Variants in SYCP2 observed in about 807,000 individuals in gnomAD.
SYCP2 encodes synaptonemal complex lateral element protein.
SYCP2 carries 55 observed loss-of-function variants against 211.3 expected under a neutral mutation model. That is an observed-to-expected ratio of 0.26 (90% CI 0.21 to 0.33). SYCP2 has a LOEUF of 0.33. Ranked by LOEUF, SYCP2 falls within the 10% of genes least tolerant of loss-of-function variation. The pLI, the probability that SYCP2 is intolerant of heterozygous loss-of-function variation, is 1.00. For missense variants in SYCP2, 1,731 were observed against 1,752.0 expected (o/e 0.99, Z 0.21); for synonymous variants, 570 against 555.2 (o/e 1.03, Z -0.37).
chr20:59,879,878 C>A (rs1184055498), intron 31 of SYCP2, among the ~76,000 whole-genome samples: 1 of 140,988 alleles, frequency 7.1e-6, no homozygotes. Flanking sequence ...CACACACACA[C>A]AAACATATAA....
chr20:59,932,910 T>C (rs1387486963), intron 1 of SYCP2, among the ~76,000 whole-genome samples: 1 of 152,028 alleles, frequency 6.6e-6, no homozygotes, highest in Non-Finnish European at 1.5e-5. Context: ...AGGAAGGTTT[T>C]GCGCGCACTC....
intron 14 of SYCP2, among the ~76,000 whole-genome samples, chr20:59,908,373 TA>T (rs2060251345): frequency 6.6e-6 from 1 of 152,160 alleles, no homozygotes; most frequent in Non-Finnish European, 1.5e-5. Context: ...CCTTCTCTCC[TA>T]TACCTTAATT....
chr20:59,876,295 C>T (rs1483636318), intron 33 of SYCP2, among the ~76,000 whole-genome samples: 5 of 133,790 alleles, frequency 3.7e-5, no homozygotes, highest in Non-Finnish European at 7.7e-5. Context: ...CGTTTGAACA[C>T]TGGAGGCGGA....
intron 4 of SYCP2, among the ~76,000 whole-genome samples, chr20:59,921,056 T>C (rs893710557): frequency 1.3e-5 from 2 of 151,666 alleles, no homozygotes; most frequent in African/African-American, 4.8e-5. Context: ...TTCCCCAGTT[T>C]CAGCCACAGT....
chr20:59,901,248 A>G (rs1291569470), intron 16 of SYCP2, among the ~76,000 whole-genome samples: 2 of 152,086 alleles, frequency 1.3e-5, no homozygotes, highest in Admixed American at 6.6e-5. Context: ...TCCCATATCC[A>G]TAACAATGCT....
intron 14 of SYCP2, among the ~76,000 whole-genome samples, chr20:59,908,975 C>T (rs1476471905): frequency 6.6e-6 from 1 of 152,216 alleles, no homozygotes; most frequent in African/African-American, 2.4e-5. Context: ...AAACTCTTCA[C>T]CATGTAAGTG....
intron 2 of SYCP2, among the ~76,000 whole-genome samples, chr20:59,925,805 A>AC: frequency 6.6e-6 from 1 of 152,136 alleles, no homozygotes; most frequent in East Asian, 1.9e-4. Flanking sequence ...TAGGTACTAT[A>AC]ATTTATTATC....
chr20:59,865,729 T>C (rs2059318936), intron 42 of SYCP2, 78 bp from the exon 43 acceptor site: 2 of 1,083,052 alleles, frequency 1.8e-6, no homozygotes, highest in Non-Finnish European at 2.5e-6. Context: ...TATATATAAT[T>C]TTAATTTTTC....
chr20:59,914,482 A>C (rs1315269184), intron 10 of SYCP2, among the ~76,000 whole-genome samples: 1 of 152,012 alleles, frequency 6.6e-6, no homozygotes, highest in East Asian at 1.9e-4. Flanking sequence ...AATTTAAAAA[A>C]ATGTTGAGAC....
rs2059778567 is a variant in SYCP2, at chr20:59,885,910, T to C, written c.2529+18A>G. The C allele has an allele frequency of 6.3e-7, 1 of 1,584,942 alleles. No homozygotes were observed. The highest frequency in any genetic ancestry group is 1.4e-5 in the African/African-American group (1 of 73,828). On this transcript the variant is annotated intron_variant, in intron 26 of 44. Transcript: ENST00000357552. ...AGTTTGACTATAGATTTGGTGAAGT[T>C]AAGTAAATAACACCTACCTTACTGA...
At chr20:59,909,115 G>T (rs927119941) in intron 14 of SYCP2, among the ~76,000 whole-genome samples, 55 of 151,846 alleles carry the variant, frequency 3.6e-4, no homozygotes, top group African/African-American at 1.2e-3. Flanking sequence ...CTTTTAATTT[G>T]TTCCCTTTTG....
intron 12 of SYCP2, among the ~76,000 whole-genome samples, chr20:59,913,051 A>T (rs2060361963): frequency 6.6e-6 from 1 of 152,206 alleles, no homozygotes; most frequent in Non-Finnish European, 1.5e-5. Flanking sequence ...AGACTAATAC[A>T]GTGTGCTATC....
chr20:59,893,700 A>G (rs532365319), intron 20 of SYCP2, 107 bp from the exon 21 acceptor site: 1 of 682,056 alleles, frequency 1.5e-6, no homozygotes, highest in African/African-American at 1.9e-5. Context: ...CCTTGATATG[A>G]AAAGTTGGAT....
chr20:59,915,581 T>G (rs1472149291), intron 8 of SYCP2, 31 bp from the exon 9 acceptor site: 1 of 1,311,374 alleles, frequency 7.6e-7, no homozygotes, highest in East Asian at 2.3e-5. Context: ...ATGCATTAAC[T>G]TTACATTCAG....
intron 10 of SYCP2, 125 bp from the exon 11 acceptor site, chr20:59,914,376 C>A (rs2060391658): frequency 1.5e-5 from 7 of 475,112 alleles, no homozygotes; most frequent in South Asian, 1.3e-4. Context: ...ATTGATTAAT[C>A]TATTAATATT....
intron 24 of SYCP2, among the ~76,000 whole-genome samples, chr20:59,889,540 G>GT (rs1164578303): frequency 1.3e-5 from 2 of 151,722 alleles, no homozygotes; most frequent in African/African-American, 2.4e-5. Context: ...GCATATATAG[G>GT]TTTTTTAGTT....
At chr20:59,877,962 A>T in intron 32 of SYCP2, 46 bp downstream of exon 32, 1 of 1,469,618 alleles carries the variant, frequency 6.8e-7, no homozygotes, top group Non-Finnish European at 9.4e-7. Flanking sequence ...TATGGCAAGA[A>T]AAAATAATTT....
intron 24 of SYCP2, among the ~76,000 whole-genome samples, chr20:59,888,274 T>C (rs1393458334): frequency 6.6e-6 from 1 of 151,926 alleles, no homozygotes; most frequent in African/African-American, 2.4e-5. Flanking sequence ...GCAAATCAAA[T>C]CCTACAATGT....
In SYCP2 at chr20:59,901,587, G is replaced by A. The variant is rs575652898; in HGVS notation, c.1182+75C>T. On this transcript the variant is annotated intron_variant, in intron 16 of 44. Coordinates refer to ENST00000357552, the MANE Select transcript of SYCP2 (RefSeq NM_014258.4). ...TTAAGAATTCTAGAAAGGAAAAAAC[G>A]CAATAAAACTTATAACGCCAAACTG... is the stretch of plus-strand genomic sequence containing the variant. 92 of 892,258 alleles carry A rather than the reference G, an allele frequency of 1.0e-4. No individual in the cohort carries two copies. The Middle Eastern group carries it at 3.9e-3, about 38-fold the overall frequency. The allele number at this position is 892,258 out of a possible 1,614,324, so 55.3% of individuals were successfully genotyped here. A position where few individuals can be genotyped will look rare whatever the true frequency, so the allele number is the denominator to read the frequency against.
Sources: allele counts gnomAD v4.1 joint callset (sites outside exome capture counted in the v4.1 genomes callset), GRCh38; gene constraint gnomAD v4.1.1; transcripts MANE v1.5; gene names NCBI Gene and HGNC (gene_info 2026-07-23, HGNC 2026-07-21).